The following NRG3 variants were observed in gnomAD, a reference collection of about 807,000 sequenced individuals.
NRG3 encodes neuregulin 3.
NRG3 carries 31 observed loss-of-function variants against 66.9 expected under a neutral mutation model. The observed-to-expected ratio is 0.46, with a 90% confidence interval of 0.35 to 0.63. The LOEUF is 0.63. NRG3 is among the 20% of genes least tolerant of loss of function. The pLI is 0.00. For synonymous variants in NRG3, 393 were observed against 359.4 expected (o/e 1.09, Z -1.06); for missense variants, 910 against 878.9 (o/e 1.04, Z -0.45).
At chr10:81,974,995 G>T (rs1424565338) in intron 1 of NRG3, among the ~76,000 whole-genome samples, 5 of 151,914 alleles carry the variant, frequency 3.3e-5, no homozygotes, top group East Asian at 1.9e-4. Flanking sequence ...GGCCTAATCT[G>T]GTAAGCCTTC....
intron 3 of NRG3, among the ~76,000 whole-genome samples, chr10:82,779,556 A>G (rs1565306690): frequency 6.6e-6 from 1 of 152,156 alleles, no homozygotes; most frequent in Non-Finnish European, 1.5e-5. Context: ...ATGATGTCTC[A>G]AAAACTCTAT....
intron 1 of NRG3, among the ~76,000 whole-genome samples, chr10:81,944,693 A>G (rs373967269): frequency 6.6e-6 from 1 of 152,138 alleles, no homozygotes; most frequent in East Asian, 1.9e-4. Context: ...CATAGGCTGA[A>G]AAACAAGGCT....
At chr10:82,207,370 A>G (rs1265836065) in intron 1 of NRG3, among the ~76,000 whole-genome samples, 1 of 152,120 alleles carries the variant, frequency 6.6e-6, no homozygotes, top group East Asian at 1.9e-4. Context: ...TTGTTAGTGG[A>G]TGAATGTGGG....
intron 2 of NRG3, among the ~76,000 whole-genome samples, chr10:82,638,861 G>T (rs979820712): frequency 2.0e-5 from 3 of 152,102 alleles, no homozygotes; most frequent in Non-Finnish European, 2.9e-5. Flanking sequence ...TGGCCAGGAT[G>T]GTCTCAATCT....
At position 82,761,388 on chromosome 10, in the gene NRG3, C is replaced by G. The variant is rs2059298597; in HGVS notation, c.1027+22738C>G. 2.0e-5 allele frequency among the ~76,000 whole-genome samples: 3 copies of G among 152,048 alleles called. No individual in the cohort carries two copies. In the South Asian group the frequency reaches 6.2e-4, roughly 32 times the overall value. ...AGTGCAATAAAACAAGAAGCAAAAA[C>G]AAAGTAACAGAAAATAACCCAAATA... On this transcript the variant is annotated intron_variant, in intron 3 of 8. Coordinates refer to ENST00000372141, the MANE Select transcript of NRG3 (RefSeq NM_001010848.4).
chr10:82,257,492 G>A (rs1589493787), intron 1 of NRG3, among the ~76,000 whole-genome samples: 4 of 152,228 alleles, frequency 2.6e-5, no homozygotes, highest in Admixed American at 1.3e-4. Flanking sequence ...ATTCTAGGCC[G>A]AGCGTGGTGG....
chr10:82,067,675 C>T (rs1173893374), intron 1 of NRG3, among the ~76,000 whole-genome samples: 1 of 152,174 alleles, frequency 6.6e-6, no homozygotes, highest in Non-Finnish European at 1.5e-5. Context: ...GCTGACAGCA[C>T]CAGTGGATTG....
chr10:82,752,359 G>T (rs1273379069), intron 3 of NRG3, among the ~76,000 whole-genome samples: 1 of 152,050 alleles, frequency 6.6e-6, no homozygotes, highest in Non-Finnish European at 1.5e-5. Flanking sequence ...TTAATTCCTT[G>T]TAAATCTTTG....
intron 1 of NRG3, among the ~76,000 whole-genome samples, chr10:82,169,898 T>C (rs1245525758): frequency 1.3e-5 from 2 of 151,800 alleles, no homozygotes; most frequent in Admixed American, 1.3e-4. Flanking sequence ...TTAAATGAGG[T>C]AGGATTTTGG....
chr10:82,727,568 T>A (rs2057671912), intron 2 of NRG3, among the ~76,000 whole-genome samples: 1 of 152,246 alleles, frequency 6.6e-6, no homozygotes, highest in Admixed American at 6.5e-5. Context: ...AGAGGATGTA[T>A]GCAAATGCCT....
At chr10:82,645,644 T>C (rs2050877716) in intron 2 of NRG3, among the ~76,000 whole-genome samples, 1 of 152,124 alleles carries the variant, frequency 6.6e-6, no homozygotes, top group Admixed American at 6.6e-5. Context: ...AAATAAGACC[T>C]TTAGGATATA....
At chr10:81,910,827 T>G (rs1845065735) in intron 1 of NRG3, among the ~76,000 whole-genome samples, 1 of 152,040 alleles carries the variant, frequency 6.6e-6, no homozygotes, top group Non-Finnish European at 1.5e-5. Flanking sequence ...AATTTTTATT[T>G]TATTTTATTT....
intron 1 of NRG3, among the ~76,000 whole-genome samples, chr10:82,306,054 A>C (rs2080706507): frequency 6.6e-6 from 1 of 152,192 alleles, no homozygotes; most frequent in South Asian, 2.1e-4. Flanking sequence ...ATAAATAATT[A>C]TTGTTGAACT....
intron 1 of NRG3, among the ~76,000 whole-genome samples, chr10:82,029,931 A>G (rs1001905346): frequency 1.3e-5 from 2 of 152,126 alleles, no homozygotes; most frequent in Non-Finnish European, 2.9e-5. Context: ...TAATAGAATC[A>G]CCTAAAGTAT....
chr10:82,541,260 G>T (rs996689611), intron 2 of NRG3, among the ~76,000 whole-genome samples: 2 of 152,034 alleles, frequency 1.3e-5, no homozygotes, highest in East Asian at 1.9e-4. Flanking sequence ...ATATAAATAC[G>T]CATGCATATA....
At chr10:82,646,379 T>A (rs1293361047) in intron 2 of NRG3, among the ~76,000 whole-genome samples, 1 of 152,138 alleles carries the variant, frequency 6.6e-6, no homozygotes, top group African/African-American at 2.4e-5. Context: ...TGGGGAGACT[T>A]CTCAACCTTC....
intron 1 of NRG3, among the ~76,000 whole-genome samples, chr10:82,090,243 T>C (rs1314427981): frequency 2.0e-5 from 3 of 152,220 alleles, no homozygotes; most frequent in Non-Finnish European, 2.9e-5. Context: ...CTGTGTGAGG[T>C]ATGAAATGAA....
chr10:82,862,320 G>C (rs2064173317), intron 3 of NRG3, among the ~76,000 whole-genome samples: 1 of 152,170 alleles, frequency 6.6e-6, no homozygotes, highest in African/African-American at 2.4e-5. Context: ...ATTTCTGCCT[G>C]CTGGGCACTG....
At chr10:81,930,553 G>C (rs1377735314) in intron 1 of NRG3, among the ~76,000 whole-genome samples, 1 of 151,852 alleles carries the variant, frequency 6.6e-6, no homozygotes, top group African/African-American at 2.4e-5. Context: ...CAAAAAACTT[G>C]GTTCATTTGC....
Sources: allele counts gnomAD v4.1 joint callset (sites outside exome capture counted in the v4.1 genomes callset), GRCh38; gene constraint gnomAD v4.1.1; transcripts MANE v1.5; gene names NCBI Gene and HGNC (gene_info 2026-07-23, HGNC 2026-07-21).